MRC2: variants seen among roughly 807,000 people sequenced by gnomAD.
MRC2 encodes C-type mannose receptor 2.
In MRC2, 84 loss-of-function variants were observed where a neutral mutation model predicts 206.2. The ratio of observed to expected loss-of-function variants is 0.41; its 90% confidence interval spans 0.34 to 0.49. MRC2 has a LOEUF of 0.49. Among genes scored for constraint, MRC2 ranks in the 20% least tolerant of loss-of-function variants. MRC2 has a pLI of 0.31. For missense variants in MRC2, 1,676 were observed against 2,001.5 expected, an observed-to-expected ratio of 0.84 and a Z score of 3.10; for synonymous variants, 798 against 800.0, an observed-to-expected ratio of 1.00 and a Z score of 0.04.
At chr17:62,679,176 T>C (rs572355796) in intron 13 of MRC2, among the ~76,000 whole-genome samples, 1 of 152,328 alleles carries the variant, frequency 6.6e-6, no homozygotes, top group Admixed American at 6.5e-5. Flanking sequence ...AAAATCGAGA[T>C]GGATCTGGGC....
chr17:62,635,853 TCTC>T (rs1220616047), intron 1 of MRC2, among the ~76,000 whole-genome samples: 1 of 151,672 alleles, frequency 6.6e-6, no homozygotes, highest in African/African-American at 2.4e-5. Context: ...AGTGGCACGA[TCTC>T]CACTCACTGC....
intron 1 of MRC2, among the ~76,000 whole-genome samples, chr17:62,636,292 T>C (rs1462753904): frequency 6.7e-6 from 1 of 150,144 alleles, no homozygotes; most frequent in Non-Finnish European, 1.5e-5. Context: ...GTGGAAAACA[T>C]TCAAACCATA....
intron 23 of MRC2, 133 bp downstream of exon 23, chr17:62,689,093 A>G: frequency 1.4e-6 from 1 of 717,192 alleles, no homozygotes; most frequent in South Asian, 1.8e-5. Flanking sequence ...ATGGGCAGAA[A>G]GGCAAGGTGC....
chr17:62,667,281 C>A lies in MRC2; in HGVS notation c.974-109C>A, dbSNP rs1259530781. The A allele has an allele frequency of 1.4e-6, 2 of 1,413,980 alleles. No homozygotes were observed. The highest frequency in any genetic ancestry group is 1.9e-6 in the Non-Finnish European group (2 of 1,062,518). The allele number at this position is 1,413,980 out of a possible 1,614,324, so 87.6% of individuals were successfully genotyped here. ...CTGAGCACCAGGCTTCCCGAACTGG[C>A]TCAGGCTTCCGAGGGAGCAGAGGGA... On this transcript the variant is annotated intron_variant, in intron 5 of 29. Transcript: ENST00000303375. The surrounding 1 kb of genome is among the most constrained non-coding windows in gnomAD (Gnocchi z 4.1).
chr17:62,674,915 T>C (rs2088872859), intron 9 of MRC2, among the ~76,000 whole-genome samples: 1 of 152,070 alleles, frequency 6.6e-6, no homozygotes, highest in South Asian at 2.1e-4. Context: ...CACTCTGTTT[T>C]CCTTTGGATT....
At position 62,680,437 on chromosome 17, in the gene MRC2, C is replaced by G; in HGVS notation, c.2457C>G (p.Pro819=). 6.2e-7 allele frequency: 1 copy of G among 1,614,074 alleles called. No homozygotes were observed. Among genetic ancestry groups the G allele is most frequent in the South Asian group, 1.1e-5 (1 of 91,084 alleles). ...CCCTAGGTACGGACGTGCGGGAGCC[C>G]GACGACAGCCCTCAAGGTGAGCACC... is the stretch of plus-strand genomic sequence containing the variant. ...KIPRGTDVRE[P]DDSPQGRREW... Residue 819 remains proline (P), a synonymous_variant, in exon 16 of 30, where the codon CCC becomes CCG. Coordinates refer to ENST00000303375, the MANE Select transcript of MRC2 (RefSeq NM_006039.5). The surrounding 1 kb of genome is among the most constrained non-coding windows in gnomAD (Gnocchi z 4.8).
rs758674815 is a variant in MRC2 at position 62,667,358 on chromosome 17, C to A, written c.974-32C>A. ...GGAGCCACGGTGTGAGCTTCTCTCT[C>A]CGGGGGTGCTGGCGCCCTGCCCTCC... On this transcript the variant is annotated intron_variant, in intron 5 of 29. Transcript: ENST00000303375. The surrounding 1 kb of genome is among the most constrained non-coding windows in gnomAD (Gnocchi z 4.1). 1.8e-5 allele frequency: 28 copies of A among 1,569,050 alleles called. No individual in the cohort carries two copies. The East Asian group carries it at 6.2e-4, about 35-fold the overall frequency.
intron 1 of MRC2, among the ~76,000 whole-genome samples, chr17:62,633,502 CAAAAAAAAA>C (rs999150702): frequency 1.4e-5 from 1 of 73,538 alleles, no homozygotes; most frequent in East Asian, 5.1e-4. Flanking sequence ...GACTCCGTCT[CAAAAAAAAA>C]AAAAAAAAAA....
In MRC2 at chr17:62,671,145, C is replaced by T. The variant is rs1158902682; in HGVS notation, c.1118-504C>T. Reference sequence around the variant, plus strand: ...GGAGTTTAGTGGTGCAATCATGGCTCACTGCAGCCTTGACCTCCCCGGGTC... The same window carrying T: ...GGAGTTTAGTGGTGCAATCATGGCTTACTGCAGCCTTGACCTCCCCGGGTC... On this transcript the variant is annotated intron_variant, in intron 6 of 29. Coordinates refer to ENST00000303375, the MANE Select transcript of MRC2 (RefSeq NM_006039.5). This position sits in a 1 kb window ranked among gnomAD's most constrained non-coding sequence, Gnocchi z 4.5. 1.3e-5 allele frequency among the ~76,000 whole-genome samples: 2 copies of T among 152,214 alleles called. No homozygotes were observed. Among genetic ancestry groups the T allele is most frequent in the Non-Finnish European group, 2.9e-5 (2 of 68,046 alleles).
chr17:62,681,046 C>G lies in MRC2; in HGVS notation c.2635-16C>G. On this transcript the variant is annotated splice_polypyrimidine_tract_variant and intron_variant, in intron 17 of 29. Transcript: ENST00000303375. The stretch of plus-strand genomic sequence containing the variant: ...AGGGGGCTGCCTACCCACACCTGCC[C>G]GCCTGGCTTCTCCAGTTCTCCCGGG... The G allele has an allele frequency of 6.2e-7, 1 of 1,613,172 alleles. No homozygotes were observed.
chr17:62,674,027 TG>T, intron 8 of MRC2, 35 bp from the exon 9 acceptor site: 1 of 1,461,702 alleles, frequency 6.8e-7, no homozygotes, highest in Non-Finnish European at 9.4e-7. Flanking sequence ...TATGGGGAGG[TG>T]GGGGTTGAGA....
At chr17:62,686,451 T>TCAACAACAA (rs58330151) in intron 20 of MRC2, among the ~76,000 whole-genome samples, 96 of 150,154 alleles carry the variant, frequency 6.4e-4, no homozygotes, top group Middle Eastern at 6.9e-3. Context: ...AGACTCCATC[T>TCAACAACAA]CAACAACAAC....
intron 28 of MRC2, among the ~76,000 whole-genome samples, chr17:62,691,631 C>T (rs138385417): frequency 0.032 from 4,890 of 152,054 alleles, 256 homozygotes; most frequent in African/African-American, 0.11. Context: ...ATTAGCTGGG[C>T]GTGGTAGCAC....
At chr17:62,653,424 T>G (rs548960376) in intron 1 of MRC2, among the ~76,000 whole-genome samples, 33 of 151,944 alleles carry the variant, frequency 2.2e-4, no homozygotes, top group Non-Finnish European at 4.4e-4. Flanking sequence ...GCGGGAAAGG[T>G]GACAGTCGCC....
intron 1 of MRC2, chr17:62,661,534 CTTTT>C (rs1437180686): frequency 1.4e-5 from 2 of 143,740 alleles, no homozygotes; most frequent in Non-Finnish European, 3.1e-5. Context: ...CTTTCTCTTT[CTTTT>C]TCTTTCTTTC....
chr17:62,675,064 A>G lies in MRC2; in HGVS notation c.1570-726A>G, dbSNP rs1272385686. On this transcript the variant is annotated intron_variant, in intron 9 of 29. Coordinates refer to ENST00000303375, the MANE Select transcript of MRC2 (RefSeq NM_006039.5). This position sits in a 1 kb window ranked among gnomAD's most constrained non-coding sequence, Gnocchi z 4.1. ...GCGGAGTCTGTGGACTGGCAAGGAC[A>G]GTGCCTGGCCCAGGGGCTGTGTCAT... is the stretch of plus-strand genomic sequence containing the variant. 9.2e-5 allele frequency among the ~76,000 whole-genome samples: 14 copies of G among 152,198 alleles called. No individual in the cohort carries two copies. Among genetic ancestry groups the G allele is most frequent in the Non-Finnish European group, 1.6e-4 (11 of 68,018 alleles).
At chr17:62,655,249 G>A (rs372894985) in intron 1 of MRC2, among the ~76,000 whole-genome samples, 1 of 150,216 alleles carries the variant, frequency 6.7e-6, no homozygotes, top group African/African-American at 2.5e-5. Flanking sequence ...TCGCTCCACT[G>A]CACTCCAGGC....
chr17:62,683,760 A>C (rs1323595132), intron 20 of MRC2: 1 of 151,728 alleles, frequency 6.6e-6, no homozygotes, highest in African/African-American at 2.4e-5. Flanking sequence ...GCTACCCAGG[A>C]GGTGGGAAGT....
In MRC2 at chr17:62,688,924, G is replaced by A. The variant is rs939167651; in HGVS notation, c.3298G>A (p.Glu1100Lys). Residue 1100 changes from glutamate to lysine, a missense_variant, in exon 23 of 30, where the codon GAG becomes AAG. By Grantham distance (56) the Glu-to-Lys change is moderately conservative. This residue lies in a region of MRC2 where 1,354 missense variants were observed against 1,636.6 expected (regional missense o/e 0.83). Coordinates refer to ENST00000303375, the MANE Select transcript of MRC2 (RefSeq NM_006039.5). The part of the protein sequence containing the change: ...TGRWDDRSCT[E>K]ETHGFICQKG... ...CCGCTGGGACGATCGGAGCTGCACG[G>A]AGGAGACCCATGGCTTCATCTGCCA... 1 of 1,613,872 alleles carries A rather than the reference G, an allele frequency of 6.2e-7. No individual in the cohort carries two copies. Among genetic ancestry groups the A allele is most frequent in the African/African-American group, 1.3e-5 (1 of 75,064 alleles).
Sources: gnomAD v4.1 joint callset for allele counts (sites outside exome capture counted in the v4.1 genomes callset) on GRCh38, gnomAD v4.1.1 for gene constraint, gnomAD v4.1.1 regional missense constraint, Gnocchi (gnomAD v3.1) non-coding constraint, MANE v1.5 for transcripts, NCBI Gene and HGNC (gene_info 2026-07-23, HGNC 2026-07-21) for gene names.